ADGRV1: variants seen among roughly 807,000 people sequenced by gnomAD.
ADGRV1 encodes the protein G-protein coupled receptor 98.
ADGRV1 carries 359 observed loss-of-function variants against 596.2 expected under a neutral mutation model. The ratio of observed to expected loss-of-function variants is 0.60; its 90% CI spans 0.55 to 0.66. ADGRV1 has a LOEUF of 0.66. Ranked by LOEUF, ADGRV1 falls within the 30% of genes least tolerant of loss-of-function variation. The probability of loss-of-function intolerance (pLI) is 0.00; values close to 1 mark genes in which losing one functional copy is unlikely to be tolerated. For synonymous variants in ADGRV1, 2,681 were observed against 2,679.2 expected (o/e 1.00, Z -0.02); for missense variants, 7,274 against 7,575.6 (o/e 0.96, Z 1.48).
chr5:90,765,957 T>G (rs541558457), intron 59 of ADGRV1, among the ~76,000 whole-genome samples: 2 of 152,084 alleles, frequency 1.3e-5, no homozygotes, highest in South Asian at 2.1e-4. Context: ...TCACCCAGGC[T>G]GGAGTGCAGT....
At chr5:90,635,931 A>G (rs1483454599) in intron 10 of ADGRV1, among the ~76,000 whole-genome samples, 3 of 150,294 alleles carry the variant, frequency 2.0e-5, no homozygotes, top group African/African-American at 7.4e-5. Flanking sequence ...AATGGCCAAG[A>G]CATGGTACCA....
chr5:90,651,741 G>A lies in ADGRV1; in HGVS notation c.3416+11G>A, dbSNP rs986443327. On this transcript the variant is annotated intron_variant, in intron 18 of 89. Coordinates refer to ENST00000405460, the MANE Select transcript of ADGRV1 (RefSeq NM_032119.4). ...GACTAATGCATTTTGGTAAGCATAT[G>A]TAGATAAGGCAAGTTTAAAATTGGG... The A allele has an allele frequency of 4.5e-6, 7 of 1,565,990 alleles. No homozygotes were observed. The highest frequency in any genetic ancestry group is 6.1e-6 in the Non-Finnish European group (7 of 1,139,166).
At chr5:91,036,166 C>T (rs959939984) in intron 85 of ADGRV1, among the ~76,000 whole-genome samples, 2 of 151,630 alleles carry the variant, frequency 1.3e-5, no homozygotes, top group Admixed American at 1.3e-4. Context: ...TTTTCTGGCT[C>T]CTTAGAAAAT....
intron 2 of ADGRV1, among the ~76,000 whole-genome samples, chr5:90,615,393 A>G (rs188685413): frequency 6.6e-6 from 1 of 152,022 alleles, no homozygotes; most frequent in East Asian, 1.9e-4. Context: ...AGAAACGACA[A>G]TAGTAAAAAA....
At chr5:91,032,309 G>A (rs1348522716) in intron 85 of ADGRV1, among the ~76,000 whole-genome samples, 1 of 152,148 alleles carries the variant, frequency 6.6e-6, no homozygotes, top group Non-Finnish European at 1.5e-5. Flanking sequence ...GGCTGTGGGA[G>A]GAATGACATA....
intron 81 of ADGRV1, 83 bp from the exon 82 acceptor site, chr5:90,855,658 G>C: frequency 2.2e-6 from 2 of 905,030 alleles, no homozygotes; most frequent in Non-Finnish European, 3.3e-6. Flanking sequence ...CTTAATTTCA[G>C]TAAGCTATTT....
intron 87 of ADGRV1, among the ~76,000 whole-genome samples, chr5:91,122,017 G>T (rs1039486761): frequency 1.3e-5 from 2 of 151,372 alleles, no homozygotes; most frequent in African/African-American, 2.4e-5. Flanking sequence ...AACTTCAAAA[G>T]TGTTGTATTT....
chr5:90,593,321 A>T (rs776013880), intron 1 of ADGRV1, among the ~76,000 whole-genome samples: 6 of 152,194 alleles, frequency 3.9e-5, no homozygotes, highest in Non-Finnish European at 5.9e-5. Context: ...TGAAACTGGA[A>T]GCCATCATTC....
At chr5:90,645,795 T>G (rs892524484) in intron 15 of ADGRV1, among the ~76,000 whole-genome samples, 173 bp from the exon 16 acceptor site, 12 of 151,988 alleles carry the variant, frequency 7.9e-5, no homozygotes, top group Non-Finnish European at 1.3e-4. Context: ...AACTAATTTT[T>G]GGGGGGGTCT....
rs187457919 is a variant in ADGRV1, at chr5:90,761,453, A to G, written c.12121-1852A>G. ...TATAAGTTTAGATTACAAGTTCAGC[A>G]TTTAGTATTCAAATCTTCAATTGAT... is the stretch of plus-strand genomic sequence containing the variant. On this transcript the variant is annotated intron_variant, in intron 58 of 89. Transcript: ENST00000405460. Among the ~76,000 whole-genome samples the G allele has an allele frequency of 1.7e-3, 254 of 152,338 alleles. 1 individual carries two copies. The highest frequency in any genetic ancestry group is 5.6e-3 in the African/African-American group (233 of 41,572).
chr5:90,755,305 AT>A, intron 55 of ADGRV1, 120 bp downstream of exon 55: 1 of 663,164 alleles, frequency 1.5e-6, no homozygotes, highest in Non-Finnish European at 2.5e-6. Flanking sequence ...AAACATAAAA[AT>A]GTAAGTATTC....
intron 1 of ADGRV1, among the ~76,000 whole-genome samples, chr5:90,580,658 C>G (rs1029969128): frequency 2.0e-5 from 3 of 152,196 alleles, no homozygotes; most frequent in Non-Finnish European, 4.4e-5. Context: ...CGCTGTTAGT[C>G]CGATGGACTT....
intron 83 of ADGRV1, among the ~76,000 whole-genome samples, chr5:90,866,115 T>G (rs995841540): frequency 6.6e-6 from 1 of 152,254 alleles, no homozygotes; most frequent in African/African-American, 2.4e-5. Flanking sequence ...CAAATCTTTA[T>G]TAATGAACTA....
chr5:90,831,300 A>ACAC (rs1561817688), intron 77 of ADGRV1, among the ~76,000 whole-genome samples: 1 of 149,586 alleles, frequency 6.7e-6, no homozygotes, highest in African/African-American at 2.5e-5. Flanking sequence ...CACACACACA[A>ACAC]AAACATAAGT....
At chr5:90,988,603 G>A (rs1266421965) in intron 85 of ADGRV1, among the ~76,000 whole-genome samples, 2 of 151,232 alleles carry the variant, frequency 1.3e-5, no homozygotes, top group African/African-American at 4.9e-5. Context: ...ATATTCAAAT[G>A]TCTTATAAAT....
chr5:90,841,045 A>AT, intron 78 of ADGRV1, 60 bp downstream of exon 78: 1 of 1,184,024 alleles, frequency 8.4e-7, no homozygotes, highest in East Asian at 2.5e-5. Context: ...TAAAAACCCA[A>AT]GTAAAACCAA....
intron 83 of ADGRV1, among the ~76,000 whole-genome samples, chr5:90,945,338 C>G (rs574274788): frequency 4.6e-5 from 7 of 152,102 alleles, no homozygotes; most frequent in African/African-American, 1.7e-4. Context: ...TAGGAGGAGG[C>G]AAGACCACTT....
rs756294827 is a variant in ADGRV1, at chr5:90,729,762, T to G, written c.10547T>G (p.Ile3516Arg). The G allele has an allele frequency of 3.1e-6, 5 of 1,613,378 alleles. No homozygotes were observed. The East Asian group carries it at 1.1e-4, about 36-fold the overall frequency. The change falls in exon 50 of 90, where the codon ATA becomes AGA. Residue 3516 changes from isoleucine (I) to arginine (R), a missense_variant and splice_region_variant. Ile to Arg is a moderately conservative substitution (Grantham distance 97). Coordinates refer to ENST00000405460, the MANE Select transcript of ADGRV1 (RefSeq NM_032119.4). ...CACTCCTTCACACCAGCCTCAGGAATAGGTAAGGACTTTTCAACTGCTCAC... is the reference window on the plus strand; with the variant it reads ...CACTCCTTCACACCAGCCTCAGGAAGAGGTAAGGACTTTTCAACTGCTCAC... ...RIHSFTPASG[I>R]AHILLIGQDM...
chr5:90,649,746 C>G (rs892865577), intron 17 of ADGRV1, among the ~76,000 whole-genome samples: 1 of 152,208 alleles, frequency 6.6e-6, no homozygotes. Flanking sequence ...GCCTGGGCCC[C>G]CCAGGGTGCT....
Sources: allele counts gnomAD v4.1 joint callset (sites outside exome capture counted in the v4.1 genomes callset), GRCh38; gene constraint gnomAD v4.1.1; transcripts MANE v1.5; gene names NCBI Gene and HGNC (gene_info 2026-07-23, HGNC 2026-07-21).